Variants in ADAMTS17 observed in about 807,000 individuals in gnomAD.
The protein encoded by ADAMTS17 is A disintegrin and metalloproteinase with thrombospondin motifs 17.
In ADAMTS17, 113 loss-of-function variants were observed where a neutral mutation model predicts 141.5. The observed-to-expected ratio is 0.80, with a 90% CI of 0.69 to 0.93. The LOEUF (loss-of-function observed/expected upper bound fraction) is 0.93, where lower values mean the gene tolerates loss of function less well. Ranked by LOEUF, ADAMTS17 falls within the 40% of genes least tolerant of loss-of-function variation. ADAMTS17 has a pLI of 0.00. For synonymous variants in ADAMTS17, 768 were observed against 630.6 expected (o/e 1.22, Z -3.27); for missense variants, 1,659 against 1,517.9 (o/e 1.09, Z -1.54).
chr15:99,974,579 G>A lies in ADAMTS17; in HGVS notation c.3128-17C>T. ...TCAGAGCAGCTAAGGGGATAGGAGA[G>A]AGAATACCCAGGGTCAGGGATGGCC... is the stretch of plus-strand genomic sequence containing the variant. On this transcript the variant is annotated splice_polypyrimidine_tract_variant and intron_variant, in intron 21 of 21. Coordinates refer to ENST00000268070, the MANE Select transcript of ADAMTS17 (RefSeq NM_139057.4). The A allele has an allele frequency of 6.2e-7, 1 of 1,614,174 alleles. No individual in the cohort carries two copies. Among genetic ancestry groups the A allele is most frequent in the Non-Finnish European group, 8.5e-7 (1 of 1,179,980 alleles).
intron 6 of ADAMTS17, 64 bp from the exon 7 acceptor site, chr15:100,254,243 C>T: frequency 6.9e-7 from 1 of 1,447,330 alleles, no homozygotes; most frequent in South Asian, 1.1e-5. Flanking sequence ...GAAGAAAACA[C>T]TGTGAATTAA....
At chr15:100,223,091 C>T (rs1395907417) in intron 7 of ADAMTS17, among the ~76,000 whole-genome samples, 1 of 152,234 alleles carries the variant, frequency 6.6e-6, no homozygotes, top group Non-Finnish European at 1.5e-5. Context: ...TTTTCTCTTA[C>T]TGCACCACAA....
Position 99,992,941 on chromosome 15 carries a change from C to T in ADAMTS17, c.2949+107G>A, listed in dbSNP as rs2060719783. On this transcript the variant is annotated intron_variant, in intron 20 of 21. Coordinates refer to ENST00000268070, the MANE Select transcript of ADAMTS17 (RefSeq NM_139057.4). ...GAAGGAAAATGAATTTGCCTAGTTA[C>T]GCTGGGACTGCCGCGTAGAATTGGG... The T allele has an allele frequency of 9.1e-6, 13 of 1,426,406 alleles. No homozygotes were observed. The East Asian group carries it at 9.5e-5, about 10-fold the overall frequency. 88.4% of individuals were successfully genotyped at this position (1,426,406 alleles called of 1,614,324 possible).
At chr15:100,216,743 C>T (rs373446087) in intron 7 of ADAMTS17, among the ~76,000 whole-genome samples, 159 of 152,298 alleles carry the variant, frequency 1.0e-3, no homozygotes, top group African/African-American at 3.5e-3. Flanking sequence ...TAGGTCCTGA[C>T]GTTCCAGGCC....
At chr15:100,239,835 C>T (rs773646254) in intron 7 of ADAMTS17, among the ~76,000 whole-genome samples, 8 of 152,030 alleles carry the variant, frequency 5.3e-5, no homozygotes, top group Non-Finnish European at 1.2e-4. Flanking sequence ...GCCTTACAAC[C>T]CCTGGAGTGG....
chr15:100,247,665 C>A (rs931738574), intron 7 of ADAMTS17, among the ~76,000 whole-genome samples: 17 of 152,146 alleles, frequency 1.1e-4, no homozygotes, highest in Non-Finnish European at 2.5e-4. Flanking sequence ...GATGACATCA[C>A]AGGGTTCACA....
rs764249641 is a variant in ADAMTS17 at position 99,993,210 on chromosome 15, A to G, written c.2797-10T>C. On this transcript the variant is annotated splice_polypyrimidine_tract_variant and intron_variant, in intron 19 of 21. Coordinates refer to ENST00000268070, the MANE Select transcript of ADAMTS17 (RefSeq NM_139057.4). The surrounding 1 kb of genome is among the most constrained non-coding windows in gnomAD (Gnocchi z 4.3). ...CACAGCTGGCAGAGCACTGCAAGAC[A>G]CCATTCAAATATTTAACCGAGTTCC... The G allele has an allele frequency of 6.2e-7, 1 of 1,614,054 alleles. No homozygotes were observed. The highest frequency in any genetic ancestry group is 1.3e-5 in the African/African-American group (1 of 74,936).
intron 7 of ADAMTS17, among the ~76,000 whole-genome samples, chr15:100,235,063 G>T (rs1878669739): frequency 6.6e-6 from 1 of 152,192 alleles, no homozygotes; most frequent in African/African-American, 2.4e-5. Flanking sequence ...AGGGAAAATA[G>T]TGCTGGGCCA....
chr15:100,074,763 A>T (rs897739507), intron 15 of ADAMTS17, among the ~76,000 whole-genome samples: 6 of 152,128 alleles, frequency 3.9e-5, no homozygotes, highest in African/African-American at 1.4e-4. Flanking sequence ...TTCTATAATA[A>T]CTTATCTGTG....
At position 100,117,019 on chromosome 15, in the gene ADAMTS17, A is replaced by G. The variant is rs767833173; in HGVS notation, c.1722-6T>C. ...GTGTGCCTCCAGGCCCAGGGCTAGA[A>G]GGAAGAAGAAGGTCTGTGTTAACCA... On this transcript the variant is annotated splice_polypyrimidine_tract_variant and splice_region_variant and intron_variant, in intron 12 of 21. Transcript: ENST00000268070. The G allele has an allele frequency of 3.1e-6, 5 of 1,602,188 alleles. No homozygotes were observed. In the African/African-American group the frequency reaches 5.4e-5, roughly 17 times the overall value.
intron 18 of ADAMTS17, among the ~76,000 whole-genome samples, chr15:100,030,665 T>C (rs1334885222): frequency 6.6e-6 from 1 of 152,202 alleles, no homozygotes; most frequent in African/African-American, 2.4e-5. Context: ...CTCAGAAGCA[T>C]TCAAGAGGTT....
chr15:100,080,589 A>C lies in ADAMTS17; in HGVS notation c.2137+15767T>G, dbSNP rs149328192. 2.0e-4 allele frequency among the ~76,000 whole-genome samples: 31 copies of C among 152,314 alleles called. No individual in the cohort carries two copies. In the East Asian group the frequency reaches 6.0e-3, roughly 29 times the overall value. ...TCTTGCTGAGGTGCTTGCTGAAGGC[A>C]AAGGGAATACAGAACGGGTAGTAGA... On this transcript the variant is annotated intron_variant, in intron 15 of 21. Transcript: ENST00000268070.
intron 7 of ADAMTS17, among the ~76,000 whole-genome samples, chr15:100,201,500 G>A (rs2041332475): frequency 6.6e-6 from 1 of 152,196 alleles, no homozygotes; most frequent in Admixed American, 6.5e-5. Flanking sequence ...ATAGCAGCAT[G>A]AAAACAGACT....
intron 3 of ADAMTS17, among the ~76,000 whole-genome samples, chr15:100,307,931 T>C (rs1476597158): frequency 6.6e-6 from 1 of 152,228 alleles, no homozygotes; most frequent in African/African-American, 2.4e-5. Context: ...AGACAAGCAA[T>C]TATGTTTTTT....
chr15:100,052,740 T>C (rs1177703524), intron 16 of ADAMTS17, among the ~76,000 whole-genome samples: 1 of 152,242 alleles, frequency 6.6e-6, no homozygotes, highest in Non-Finnish European at 1.5e-5. Flanking sequence ...CCCAGATAAA[T>C]GACTTAGGTA....
rs776618449 is a variant in ADAMTS17 at position 100,060,319 on chromosome 15, C to G, written c.2138-6265G>C. ...CGGGTGGGTACACTTTCCTTTGCCA[C>G]CAGGGCAGAACAAAACCTTTGCAAT... On this transcript the variant is annotated intron_variant, in intron 15 of 21. Transcript: ENST00000268070. 2.9e-4 allele frequency among the ~76,000 whole-genome samples: 44 copies of G among 152,340 alleles called. No individual in the cohort carries two copies. The South Asian group carries it at 2.9e-3, about 10-fold the overall frequency.
chr15:100,230,363 T>C (rs2042440849), intron 7 of ADAMTS17, among the ~76,000 whole-genome samples: 1 of 152,170 alleles, frequency 6.6e-6, no homozygotes, highest in African/African-American at 2.4e-5. Flanking sequence ...AACAGATTCC[T>C]GTGTATAACT....
At chr15:100,320,061 T>C (rs1325059054) in intron 3 of ADAMTS17, among the ~76,000 whole-genome samples, 1 of 152,012 alleles carries the variant, frequency 6.6e-6, no homozygotes, top group Admixed American at 6.5e-5. Context: ...TGAATATAAT[T>C]GCGAAAATTA....
rs868758515 is a variant in ADAMTS17, at chr15:99,974,186, G to A, written c.*216C>T. 12 of 608,160 alleles carry A rather than the reference G, an allele frequency of 2.0e-5. No individual in the cohort carries two copies. Among genetic ancestry groups the A allele is most frequent in the Non-Finnish European group, 3.5e-5 (12 of 346,082 alleles). The allele number at this position is 608,160 out of a possible 1,614,324, so 37.7% of individuals were successfully genotyped here. On this transcript the variant is annotated 3_prime_UTR_variant, in exon 22 of 22. Coordinates refer to ENST00000268070, the MANE Select transcript of ADAMTS17 (RefSeq NM_139057.4). The stretch of plus-strand genomic sequence containing the variant: ...AAATTGAAGTTACTTTGTGACTCAT[G>A]CCTACTTTCTCCTCACTGTAGAAAG...
Sources: allele counts gnomAD v4.1 joint callset (sites outside exome capture counted in the v4.1 genomes callset), GRCh38; gene constraint gnomAD v4.1.1; non-coding constraint Gnocchi (gnomAD v3.1); transcripts MANE v1.5; gene names NCBI Gene and HGNC (gene_info 2026-07-23, HGNC 2026-07-21).